PRR12: variants seen among roughly 807,000 people sequenced by gnomAD.
PRR12 encodes proline rich 12.
A neutral mutation model predicts 138.0 loss-of-function variants in PRR12; 12 were observed. The ratio of observed to expected loss-of-function variants is 0.09; its 90% confidence interval spans 0.06 to 0.14. The LOEUF is 0.14. Among genes scored for constraint, PRR12 ranks in the 10% least tolerant of loss-of-function variants. The pLI is 1.00. For synonymous variants in PRR12, 1,567 were observed against 1,291.7 expected (o/e 1.21, Z -4.57); for missense variants, 2,692 against 2,861.3 (o/e 0.94, Z 1.35).
chr19:49,616,155 A>C lies in PRR12; in HGVS notation c.5433A>C (p.Ala1811=). The change falls in exon 9 of 14, where the codon GCA becomes GCC. Residue 1811 remains alanine, a synonymous_variant. Coordinates refer to ENST00000418929, the MANE Select transcript of PRR12 (RefSeq NM_020719.3). The surrounding 1 kb of genome is among the most constrained non-coding windows in gnomAD (Gnocchi z 4.2). ...AGGAGGCAGGCGGCAACGCTACAGC[A>C]GGCGGGGGCCCACCAGGCAGCTCCT... is the stretch of plus-strand genomic sequence containing the variant. ...WLKEAGGNAT[A]GGGPPGSSSD... 6.4e-7 allele frequency: 1 copy of C among 1,562,354 alleles called. No individual in the cohort carries two copies. The highest frequency in any genetic ancestry group is 8.7e-7 in the Non-Finnish European group (1 of 1,153,844).
rs145720347 is a variant in PRR12, at chr19:49,593,036, C to T, written c.87-291C>T. 2.3e-3 allele frequency among the ~76,000 whole-genome samples: 345 copies of T among 152,270 alleles called. 3 individuals carry two copies. Among genetic ancestry groups the T allele is most frequent in the African/African-American group, 7.6e-3 (316 of 41,540 alleles). ...TTGCAAATCAAGACGCTTGCTCTGC[C>T]TTGGACCCTCTTCTGTGTGTTAGTC... is the stretch of plus-strand genomic sequence containing the variant. On this transcript the variant is annotated intron_variant, in intron 1 of 13. Transcript: ENST00000418929.
intron 4 of PRR12, among the ~76,000 whole-genome samples, 151 bp downstream of exon 4, chr19:49,598,164 C>G (rs137950054): frequency 2.0e-5 from 3 of 151,722 alleles, no homozygotes; most frequent in Middle Eastern, 3.2e-3. Context: ...AGCTCCGCCT[C>G]CCGGGTTCAC....
At chr19:49,618,626 C>T (rs1371729305) in intron 9 of PRR12, among the ~76,000 whole-genome samples, 2 of 151,986 alleles carry the variant, frequency 1.3e-5, no homozygotes, top group Non-Finnish European at 2.9e-5. Flanking sequence ...TGACCTCAGG[C>T]GATCCTCTCG....
chr19:49,592,703 ATGGG>A (rs1210587069), intron 1 of PRR12, among the ~76,000 whole-genome samples: 2 of 151,912 alleles, frequency 1.3e-5, no homozygotes, highest in Non-Finnish European at 2.9e-5. Context: ...CTGGCATTGC[ATGGG>A]CCCATGCATT....
rs756357863 is a variant in PRR12 at position 49,595,925 on chromosome 19, G to C, written c.1590G>C (p.Ser530=). 1.2e-6 allele frequency: 2 copies of C among 1,602,010 alleles called. No individual in the cohort carries two copies. Among genetic ancestry groups the C allele is most frequent in the Non-Finnish European group, 1.7e-6 (2 of 1,179,634 alleles). Residue 530 remains serine (S), a synonymous_variant, in exon 4 of 14, where the codon TCG becomes TCC. Transcript: ENST00000418929. Reference sequence around the variant, plus strand: ...AGGGGCTGCCCACAGCCAGCCCCTCGCTCAGCTACAGTACCGGCCATTCCC... The same window carrying C: ...AGGGGCTGCCCACAGCCAGCCCCTCCCTCAGCTACAGTACCGGCCATTCCC... ...HSQGLPTASP[S]LSYSTGHSPA... is the part of the protein sequence containing the mutation.
At position 49,625,249 on chromosome 19, in the gene PRR12, A is replaced by C. The variant is rs746851782; in HGVS notation, c.5964+49A>C. ...TCGCCCTGGGATTCCAACCTTTCTG[A>C]CTTCCTCTTGGGATCTGAGGGTCCA... On this transcript the variant is annotated intron_variant, in intron 13 of 13. Transcript: ENST00000418929. This position sits in a 1 kb window ranked among gnomAD's most constrained non-coding sequence, Gnocchi z 5.5. 1.4e-5 allele frequency: 22 copies of C among 1,577,504 alleles called. No individual in the cohort carries two copies. The Admixed American group carries it at 3.6e-4, about 25-fold the overall frequency.
In PRR12 at chr19:49,597,885, A is replaced by T. The variant is rs2080785426; in HGVS notation, c.3550A>T (p.Thr1184Ser). 7.0e-7 allele frequency: 1 copy of T among 1,433,150 alleles called. No individual in the cohort carries two copies. The highest frequency in any genetic ancestry group is 3.0e-5 in the Admixed American group (1 of 33,732). The allele number at this position is 1,433,150 out of a possible 1,614,324, so 88.8% of individuals were successfully genotyped here. Residue 1184 changes from threonine to serine, a missense_variant, in exon 4 of 14, where the codon ACT (threonine) becomes TCT (serine). Thr to Ser is a moderately conservative substitution (Grantham distance 58). Coordinates refer to ENST00000418929, the MANE Select transcript of PRR12 (RefSeq NM_020719.3). The surrounding 1 kb of genome is among the most constrained non-coding windows in gnomAD (Gnocchi z 6.3). ...PRIRPLEVPT[T>S]AGPASASTPT... The stretch of plus-strand genomic sequence containing the variant: ...GATCCGCCCCCTGGAGGTCCCGACC[A>T]CTGCGGGGCCCGCCTCGGCCTCCAC...
intron 9 of PRR12, among the ~76,000 whole-genome samples, chr19:49,618,775 C>T (rs1286063472): frequency 6.6e-6 from 1 of 152,010 alleles, no homozygotes; most frequent in Admixed American, 6.6e-5. Context: ...CTTTCCCAGG[C>T]CTGCCCAGCT....
At chr19:49,607,655 C>T (rs916436247) in intron 6 of PRR12, among the ~76,000 whole-genome samples, 3 of 151,568 alleles carry the variant, frequency 2.0e-5, no homozygotes, top group African/African-American at 7.3e-5. Context: ...TTGCAGTGAG[C>T]CGAGATCGTA....
At position 49,620,506 on chromosome 19, in the gene PRR12, G is replaced by T. The variant is rs896157115; in HGVS notation, c.5623+29G>T. On this transcript the variant is annotated intron_variant, in intron 10 of 13. Transcript: ENST00000418929. The stretch of plus-strand genomic sequence containing the variant: ...AGCTGAGGCCTGGGGAGGAGGGGGG[G>T]GGGCTGACTCGGTCTGAGGGAGCAG... 2.2e-5 allele frequency: 33 copies of T among 1,526,920 alleles called. 1 individual carries two copies. Among genetic ancestry groups the T allele is most frequent in the Non-Finnish European group, 2.8e-5 (31 of 1,125,020 alleles). The allele number at this position is 1,526,920 out of a possible 1,614,324, so 94.6% of individuals were successfully genotyped here.
rs373846954 is a variant in PRR12 at position 49,595,493 on chromosome 19, G to C, written c.1158G>C (p.Ser386=). The change falls in exon 4 of 14, where the codon TCG becomes TCC. Residue 386 remains serine, a synonymous_variant. Transcript: ENST00000418929. ...GAGGTTACCGCCCCATCATTCAGTC[G>C]CCTGGGTACAAGACGGGCAAAGGTG... The part of the protein sequence containing the change: ...GGGGYRPIIQ[S]PGYKTGKGGY... 5 of 1,556,678 alleles carry C rather than the reference G, an allele frequency of 3.2e-6. No homozygotes were observed. Among genetic ancestry groups the C allele is most frequent in the Non-Finnish European group, 4.3e-6 (5 of 1,151,142 alleles).
chr19:49,591,670 C>T lies in PRR12; in HGVS notation c.16C>T (p.Pro6Ser). The T allele has an allele frequency of 7.7e-7, 1 of 1,295,600 alleles. No individual in the cohort carries two copies. The highest frequency in any genetic ancestry group is 1.0e-6 in the Non-Finnish European group (1 of 992,958). The allele number at this position is 1,295,600 out of a possible 1,614,324, so 80.3% of individuals were successfully genotyped here. Residue 6 changes from proline to serine, a missense_variant, in exon 1 of 14, where the codon CCC (proline) becomes TCC (serine). Physicochemically the swap from Pro to Ser is moderately conservative, Grantham distance 74 (BLOSUM62 -1). Coordinates refer to ENST00000418929, the MANE Select transcript of PRR12 (RefSeq NM_020719.3). ...CGGCCAATTCATGGACAGGAACTACCCCAGCGCCGGCTTCGGGGACCCGCT... is the reference window on the plus strand; with the variant it reads ...CGGCCAATTCATGGACAGGAACTACTCCAGCGCCGGCTTCGGGGACCCGCT... MDRNY[P>S]SAGFGDPLGA...
In PRR12 at chr19:49,591,530, A is replaced by T; in HGVS notation, c.-125A>T. The T allele has an allele frequency of 1.8e-6, 1 of 546,086 alleles. No individual in the cohort carries two copies. The highest frequency in any genetic ancestry group is 3.0e-6 in the Non-Finnish European group (1 of 337,128). The allele number at this position is 546,086 out of a possible 1,614,324, so 33.8% of individuals were successfully genotyped here. On this transcript the variant is annotated 5_prime_UTR_variant, in exon 1 of 14. It adds an upstream start codon to the 5' untranslated region. Coordinates refer to ENST00000418929, the MANE Select transcript of PRR12 (RefSeq NM_020719.3). ...GCCTTCGGCGGCTGCAAAGAAAAAA[A>T]GAGAGAGAGAAAAGGGGGGAAAAAA...
intron 6 of PRR12, among the ~76,000 whole-genome samples, chr19:49,604,372 A>AG (rs969896035): frequency 6.6e-6 from 1 of 151,886 alleles, no homozygotes; most frequent in Non-Finnish European, 1.5e-5. Flanking sequence ...TCAAAAAAAA[A>AG]AAAAAAAGGA....
rs374876516 is a variant in PRR12 at position 49,597,732 on chromosome 19, G to A, written c.3397G>A (p.Ala1133Thr). 34 of 1,607,484 alleles carry A rather than the reference G, an allele frequency of 2.1e-5. No individual in the cohort carries two copies. The highest frequency in any genetic ancestry group is 2.8e-5 in the Non-Finnish European group (33 of 1,178,132). ...GGTCTCCAGCTGCCGCTCCCGTCCG[G>A]CCCTCTCGCCACTGGGGGACATCGA... ...DLVSSCRSRP[A>T]LSPLGDIDFC... Residue 1133 changes from alanine (A) to threonine (T), a missense_variant, in exon 4 of 14, where the codon GCC becomes ACC. Coordinates refer to ENST00000418929, the MANE Select transcript of PRR12 (RefSeq NM_020719.3). This position sits in a 1 kb window ranked among gnomAD's most constrained non-coding sequence, Gnocchi z 6.3.
chr19:49,602,741 G>A (rs1313113053), intron 6 of PRR12, among the ~76,000 whole-genome samples: 4 of 152,252 alleles, frequency 2.6e-5, no homozygotes, highest in South Asian at 4.2e-4. Context: ...TAGTAGAAAT[G>A]GGGTTTCACT....
At position 49,593,324 on chromosome 19, in the gene PRR12, C is replaced by A. The variant is rs1224676478; in HGVS notation, c.87-3C>A. On this transcript the variant is annotated splice_polypyrimidine_tract_variant and splice_region_variant and intron_variant, in intron 1 of 13. Transcript: ENST00000418929. ...CCCCCTGACGTCTCCCCTTTCCCCC[C>A]AGCTTGGTTTATGGCAGCTCCAGGA... is the stretch of plus-strand genomic sequence containing the variant. 12 of 1,569,204 alleles carry A rather than the reference C, an allele frequency of 7.6e-6. No homozygotes were observed. Among genetic ancestry groups the A allele is most frequent in the Admixed American group, 1.7e-5 (1 of 58,636 alleles).
rs2080778883 is a variant in PRR12 at position 49,597,282 on chromosome 19, G to A, written c.2947G>A (p.Gly983Ser). The A allele has an allele frequency of 6.4e-7, 1 of 1,563,332 alleles. No homozygotes were observed. The highest frequency in any genetic ancestry group is 8.7e-7 in the Non-Finnish European group (1 of 1,155,968). Reference sequence around the variant, plus strand: ...CAAGGCTGGCGCTGGGCCACCCCCCGGCCCCCCTGCTTATGATCCCTATGG... The same window carrying A: ...CAAGGCTGGCGCTGGGCCACCCCCCAGCCCCCCTGCTTATGATCCCTATGG... ...DPKAGAGPPP[G>S]PPAYDPYGPY... Residue 983 changes from glycine (G) to serine (S), a missense_variant, in exon 4 of 14, where the codon GGC becomes AGC. By Grantham distance (56) the Gly-to-Ser change is moderately conservative. Coordinates refer to ENST00000418929, the MANE Select transcript of PRR12 (RefSeq NM_020719.3). This position sits in a 1 kb window ranked among gnomAD's most constrained non-coding sequence, Gnocchi z 6.3.
Position 49,601,543 on chromosome 19 carries a change from TCCTCAG to T in PRR12, c.4409_4414del (p.Gln1470_Pro1471del). On this transcript the variant is annotated inframe_deletion, in exon 6 of 14. Transcript: ENST00000418929. ...CACCCACTCCACCTCCTGCCCCGAC[TCCTCAG>T]CCTCAGCCTCCGCCACCCCCTCCGC... The T allele has an allele frequency of 1.3e-6, 2 of 1,503,774 alleles. No homozygotes were observed. The highest frequency in any genetic ancestry group is 1.8e-6 in the Non-Finnish European group (2 of 1,121,544). 93.2% of individuals were successfully genotyped at this position (1,503,774 alleles called of 1,614,324 possible).
Sources: allele counts gnomAD v4.1 joint callset (sites outside exome capture counted in the v4.1 genomes callset), GRCh38; gene constraint gnomAD v4.1.1; non-coding constraint Gnocchi (gnomAD v3.1); transcripts MANE v1.5; gene names NCBI Gene and HGNC (gene_info 2026-07-23, HGNC 2026-07-21).